The following ATAD1 variants were observed in gnomAD, a reference collection of about 807,000 sequenced individuals.
The protein encoded by ATAD1 is outer mitochondrial transmembrane helix translocase.
ATAD1 carries 18 observed loss-of-function variants against 42.7 expected under a neutral mutation model. The observed-to-expected ratio is 0.42, with a 90% CI of 0.29 to 0.63. The LOEUF (loss-of-function observed/expected upper bound fraction) is 0.63. ATAD1 is among the 20% of genes least tolerant of loss of function. The pLI is 0.19. For synonymous variants in ATAD1, 132 were observed against 143.1 expected, an observed-to-expected ratio of 0.92 and a Z score of 0.55; for missense variants, 294 against 440.4, an observed-to-expected ratio of 0.67 and a Z score of 2.98.
At chr10:87,805,235 T>C (rs1209846853) in intron 2 of ATAD1, among the ~76,000 whole-genome samples, 5 of 152,186 alleles carry the variant, frequency 3.3e-5, no homozygotes, top group Non-Finnish European at 7.3e-5. Context: ...TAATGTGTAT[T>C]CTAATTCCTT....
At chr10:87,802,661 A>G (rs550941589) in intron 2 of ATAD1, among the ~76,000 whole-genome samples, 4 of 151,572 alleles carry the variant, frequency 2.6e-5, no homozygotes, top group African/African-American at 9.7e-5. Context: ...AAAAAAGCCT[A>G]TGTAACAAAA....
intron 1 of ATAD1, among the ~76,000 whole-genome samples, chr10:87,824,820 A>G (rs1857695932): frequency 6.6e-6 from 1 of 152,306 alleles, no homozygotes; most frequent in Middle Eastern, 3.4e-3. Context: ...TGGTTCTCAC[A>G]TTCCCATTCT....
chr10:87,784,421 A>ATCTCT, intron 5 of ATAD1, 49 bp downstream of exon 5: 1 of 1,548,900 alleles, frequency 6.5e-7, no homozygotes, highest in Non-Finnish European at 8.9e-7. Flanking sequence ...TTATCTAAAT[A>ATCTCT]TCTCTAAAAA....
chr10:87,776,386 T>C lies in ATAD1; in HGVS notation c.625A>G (p.Thr209Ala). The C allele has an allele frequency of 1.9e-6, 3 of 1,613,892 alleles. No individual in the cohort carries two copies. Among genetic ancestry groups the C allele is most frequent in the Non-Finnish European group, 2.5e-6 (3 of 1,179,842 alleles). The change falls in exon 6 of 10, where the codon ACA becomes GCA. Residue 209 changes from threonine (T) to alanine (A), a missense_variant. Around this residue, in one of 3 missense-constraint regions of ATAD1, gnomAD observed 31 missense variants for 78.6 expected, o/e 0.39. Coordinates refer to ENST00000680024, the MANE Select transcript of ATAD1 (RefSeq NM_001321967.2). ...ATAAACTGAGCTTTCATCATGGCTG[T>C]AGCTTCATGGTCAGAACTTGAACGG... is the stretch of plus-strand genomic sequence containing the variant. The part of the protein sequence containing the change: ...RNRSSSDHEA[T>A]AMMKAQFMSL...
At chr10:87,832,461 T>G (rs1163187690) in intron 1 of ATAD1, among the ~76,000 whole-genome samples, 1 of 152,014 alleles carries the variant, frequency 6.6e-6, no homozygotes, top group Non-Finnish European at 1.5e-5. Flanking sequence ...CTGTTTATTC[T>G]GTTCCACTGA....
At chr10:87,786,538 G>C (rs148891728) in intron 4 of ATAD1, among the ~76,000 whole-genome samples, 5 of 152,324 alleles carry the variant, frequency 3.3e-5, no homozygotes, top group African/African-American at 1.2e-4. Context: ...AATATGCAAA[G>C]AAAGCTTGTG....
chr10:87,780,378 T>C (rs1855510307), intron 5 of ATAD1, among the ~76,000 whole-genome samples: 1 of 152,166 alleles, frequency 6.6e-6, no homozygotes, highest in Admixed American at 6.6e-5. Context: ...ACATTATGCT[T>C]TGTCAAAGCC....
At chr10:87,771,727 T>A (rs1295178462) in intron 6 of ATAD1, among the ~76,000 whole-genome samples, 1 of 151,486 alleles carries the variant, frequency 6.6e-6, no homozygotes, top group African/African-American at 2.4e-5. Context: ...TGAGTCTATG[T>A]CACTTATTTA....
chr10:87,761,881 C>A lies in ATAD1; in HGVS notation c.832-4959G>T, dbSNP rs116742105. 2.9e-3 allele frequency among the ~76,000 whole-genome samples: 438 copies of A among 152,074 alleles called. 1 individual carries two copies. Among genetic ancestry groups the A allele is most frequent in the African/African-American group, 9.9e-3 (412 of 41,496 alleles). On this transcript the variant is annotated intron_variant, in intron 8 of 9. Transcript: ENST00000680024. The stretch of plus-strand genomic sequence containing the variant: ...GCTCAAGTGATCCTCCTGCCTCAGC[C>A]TCCCGAGTAACTAGGCAGACCCATT...
chr10:87,780,417 C>A (rs1220934086), intron 5 of ATAD1, among the ~76,000 whole-genome samples: 2 of 151,982 alleles, frequency 1.3e-5, no homozygotes, highest in East Asian at 1.9e-4. Context: ...AAAGAATGAA[C>A]CTTAAACTAT....
At chr10:87,790,108 G>A (rs1000104125) in intron 4 of ATAD1, among the ~76,000 whole-genome samples, 2 of 152,130 alleles carry the variant, frequency 1.3e-5, no homozygotes, top group Non-Finnish European at 2.9e-5. Flanking sequence ...ATTTTAACAA[G>A]TATTTTAACA....
intron 1 of ATAD1, among the ~76,000 whole-genome samples, chr10:87,823,853 TA>T (rs1317209395): frequency 6.6e-6 from 1 of 152,208 alleles, no homozygotes; most frequent in African/African-American, 2.4e-5. Context: ...CTTAATATTT[TA>T]AAAATTAAGA....
At chr10:87,788,513 T>C (rs117989849) in intron 4 of ATAD1, among the ~76,000 whole-genome samples, 3,240 of 152,308 alleles carry the variant, frequency 0.021, 63 homozygotes, top group Non-Finnish European at 0.036. Flanking sequence ...AAAATATTCA[T>C]GTAACTTTTA....
intron 4 of ATAD1, among the ~76,000 whole-genome samples, chr10:87,786,790 A>G (rs1855857424): frequency 6.6e-6 from 1 of 152,106 alleles, no homozygotes; most frequent in Admixed American, 6.6e-5. Flanking sequence ...CCCCGACTCT[A>G]CCAAAATATA....
intron 9 of ATAD1, among the ~76,000 whole-genome samples, chr10:87,756,199 G>T (rs183114680): frequency 3.9e-5 from 6 of 152,294 alleles, no homozygotes; most frequent in Admixed American, 6.5e-5. Context: ...GTACACTGGA[G>T]TTCACCAAGA....
chr10:87,760,403 C>T (rs764118931), intron 8 of ATAD1, among the ~76,000 whole-genome samples: 2 of 152,182 alleles, frequency 1.3e-5, no homozygotes, highest in Non-Finnish European at 2.9e-5. Context: ...GTAAGACATG[C>T]TTGCTTCCCC....
At chr10:87,781,274 T>C (rs1241703596) in intron 5 of ATAD1, among the ~76,000 whole-genome samples, 1 of 151,932 alleles carries the variant, frequency 6.6e-6, no homozygotes, top group Non-Finnish European at 1.5e-5. Context: ...ATTCTAAAGA[T>C]ATAAAAGGGA....
At chr10:87,771,163 C>G in intron 6 of ATAD1, 122 bp from the exon 7 acceptor site, 1 of 650,496 alleles carries the variant, frequency 1.5e-6, no homozygotes. Context: ...TGTAAGAAAT[C>G]TGATTTTAAA....
intron 2 of ATAD1, among the ~76,000 whole-genome samples, chr10:87,811,408 G>A (rs1247148112): frequency 6.6e-6 from 1 of 152,106 alleles, no homozygotes; most frequent in Non-Finnish European, 1.5e-5. Context: ...GTTTTCAGCA[G>A]GAGTCAGTCT....
Sources: gnomAD v4.1 joint callset for allele counts (sites outside exome capture counted in the v4.1 genomes callset) on GRCh38, gnomAD v4.1.1 for gene constraint, gnomAD v4.1.1 regional missense constraint, MANE v1.5 for transcripts, NCBI Gene and HGNC (gene_info 2026-07-23, HGNC 2026-07-21) for gene names.